UGT1A8: variants seen among roughly 807,000 people sequenced by gnomAD.
UGT1A8 encodes the protein UDP-glucuronosyltransferase 1A8.
UGT1A8 carries 39 observed loss-of-function variants against 45.3 expected under a neutral mutation model. That is an observed-to-expected ratio of 0.86 (90% CI 0.67 to 1.12). The LOEUF (loss-of-function observed/expected upper bound fraction) is 1.12, where lower values mean the gene tolerates loss of function less well. UGT1A8 is among the 50% of genes most tolerant of loss of function. The pLI is 0.00. For synonymous variants in UGT1A8, 275 were observed against 249.2 expected, an observed-to-expected ratio of 1.10 and a Z score of -0.97; for missense variants, 719 against 664.9, an observed-to-expected ratio of 1.08 and a Z score of -0.90.
chr2:233,729,830 C>T, intron 1 of UGT1A8: 2 of 1,613,904 alleles, frequency 1.2e-6, no homozygotes, highest in Non-Finnish European at 1.7e-6. Flanking sequence ...GCAAGCCTTG[C>T]CTCTGAGCTT....
intron 1 of UGT1A8, among the ~76,000 whole-genome samples, chr2:233,739,944 C>A (rs937638963): frequency 6.6e-6 from 1 of 151,864 alleles, no homozygotes; most frequent in Non-Finnish European, 1.5e-5. Context: ...AGGTTGGTAC[C>A]TGGTGGGAGC....
chr2:233,640,637 A>G (rs1035520566), intron 1 of UGT1A8, among the ~76,000 whole-genome samples: 7 of 152,166 alleles, frequency 4.6e-5, no homozygotes, highest in African/African-American at 1.4e-4. Context: ...ATGGGAGAGA[A>G]CAGTCTCTTT....
chr2:233,668,924 C>G (rs1406850907), intron 1 of UGT1A8, among the ~76,000 whole-genome samples: 1 of 152,200 alleles, frequency 6.6e-6, no homozygotes, highest in Admixed American at 6.5e-5. Flanking sequence ...GTTTTGATTA[C>G]TTTGTCAGTT....
chr2:233,677,372 G>A (rs756842376), intron 1 of UGT1A8, among the ~76,000 whole-genome samples: 1 of 152,074 alleles, frequency 6.6e-6, no homozygotes, highest in Non-Finnish European at 1.5e-5. Flanking sequence ...GGACCAACCC[G>A]TGTGTAGTAG....
intron 1 of UGT1A8, chr2:233,755,014 G>A (rs1575730324): frequency 1.5e-6 from 2 of 1,293,190 alleles, no homozygotes; most frequent in Non-Finnish European, 2.1e-6. Context: ...TACTCGAAGG[G>A]GTCCTTGAAG....
At chr2:233,722,834 TAAG>T (rs1329542867) in intron 1 of UGT1A8, among the ~76,000 whole-genome samples, 1 of 146,008 alleles carries the variant, frequency 6.8e-6, no homozygotes, top group Non-Finnish European at 1.5e-5. Flanking sequence ...TGTATTATAA[TAAG>T]AATGTTTCTT....
chr2:233,719,157 A>C (rs757422133), intron 1 of UGT1A8: 2 of 1,614,264 alleles, frequency 1.2e-6, no homozygotes, highest in Non-Finnish European at 1.7e-6. Context: ...ATATTCTAGA[A>C]GTATGGCAAT....
intron 1 of UGT1A8, among the ~76,000 whole-genome samples, chr2:233,688,805 C>T (rs2074914303): frequency 6.6e-6 from 1 of 152,070 alleles, no homozygotes; most frequent in Admixed American, 6.6e-5. Context: ...TGATTAGCTA[C>T]AAACTGTGAA....
At chr2:233,669,775 C>T (rs1469541403) in intron 1 of UGT1A8, among the ~76,000 whole-genome samples, 1 of 152,110 alleles carries the variant, frequency 6.6e-6, no homozygotes, top group Non-Finnish European at 1.5e-5. Context: ...CCTCCGCTTC[C>T]CGGGTTCAAG....
At chr2:233,768,980 T>A (rs1699769339) in intron 4 of UGT1A8, among the ~76,000 whole-genome samples, 1 of 152,212 alleles carries the variant, frequency 6.6e-6, no homozygotes, top group Non-Finnish European at 1.5e-5. Flanking sequence ...TTTAGAATTT[T>A]ATTTCCCCCA....
Position 233,728,434 on chromosome 2 carries a change from T to C in UGT1A8, c.856-38600T>C, listed in dbSNP as rs547972941. On this transcript the variant is annotated intron_variant, in intron 1 of 4. Transcript: ENST00000373450. ...GATAGCAGCACCTCTTCTTCCATGG[T>C]GTATATGGAGAATCCTCAACAAAGT... Among the ~76,000 whole-genome samples, 3 of 152,272 alleles carry C rather than the reference T, an allele frequency of 2.0e-5. No homozygotes were observed. In the East Asian group the frequency reaches 5.8e-4, roughly 29 times the overall value.
At chr2:233,729,454 T>A (rs758737792) in intron 1 of UGT1A8, 14 of 1,613,924 alleles carry the variant, frequency 8.7e-6, no homozygotes, top group Non-Finnish European at 1.2e-5. Flanking sequence ...TCTGAAGAAA[T>A]TTTTCAGAAG....
intron 1 of UGT1A8, chr2:233,754,666 T>C (rs1311893817): frequency 2.1e-6 from 1 of 466,882 alleles, no homozygotes. Context: ...TTGGTGGTGA[T>C]TTTTTTACCA....
chr2:233,682,323 A>G lies in UGT1A8; in HGVS notation c.855+63761A>G, dbSNP rs56385016. ...TTTTCAAATTGCAGGAGTTTGTTTA[A>G]TGACCGAAAATTAGTAGAATACTTA... On this transcript the variant is annotated intron_variant, in intron 1 of 4. Transcript: ENST00000373450. 8.4e-3 allele frequency: 13,601 copies of G among 1,614,124 alleles called. 82 individuals are homozygous for G. Among genetic ancestry groups the G allele is most frequent in the Non-Finnish European group, 9.8e-3 (11,581 of 1,180,010 alleles).
intron 1 of UGT1A8, among the ~76,000 whole-genome samples, chr2:233,658,798 A>G (rs1161652991): frequency 6.6e-6 from 1 of 152,164 alleles, no homozygotes. Context: ...CTAAACATCT[A>G]TTTCTGGACT....
At chr2:233,648,460 T>C (rs936289941) in intron 1 of UGT1A8, 1 of 145,666 alleles carries the variant, frequency 6.9e-6, no homozygotes, top group Non-Finnish European at 1.5e-5. Flanking sequence ...TTATTATTTT[T>C]ATTTATTTAT....
chr2:233,687,045 C>T (rs1028315150), intron 1 of UGT1A8, among the ~76,000 whole-genome samples: 8 of 152,150 alleles, frequency 5.3e-5, no homozygotes, highest in African/African-American at 1.2e-4. Context: ...TTTGAGCACG[C>T]GGACCCTGGA....
chr2:233,736,752 G>A (rs2078802513), intron 1 of UGT1A8, among the ~76,000 whole-genome samples: 1 of 152,176 alleles, frequency 6.6e-6, no homozygotes, highest in Non-Finnish European at 1.5e-5. Context: ...CTGTTTGTTA[G>A]TTTTCCTTCT....
At chr2:233,724,684 G>C (rs1018251695) in intron 1 of UGT1A8, among the ~76,000 whole-genome samples, 2 of 144,476 alleles carry the variant, frequency 1.4e-5, no homozygotes, top group Admixed American at 1.4e-4. Flanking sequence ...ATGGGATGGC[G>C]GCCGGGTGAA....
Sources: allele counts gnomAD v4.1 joint callset (sites outside exome capture counted in the v4.1 genomes callset), GRCh38; gene constraint gnomAD v4.1.1; transcripts MANE v1.5; gene names NCBI Gene and HGNC (gene_info 2026-07-23, HGNC 2026-07-21).